Variants in MTMR10 observed in about 807,000 individuals in gnomAD.
The protein encoded by MTMR10 is myotubularin related protein 10, also known as myotubularin-related protein 10.
In MTMR10, 56 loss-of-function variants were observed where a neutral mutation model predicts 88.1. That is an observed-to-expected ratio of 0.64 (90% confidence interval 0.51 to 0.79). The LOEUF (loss-of-function observed/expected upper bound fraction) is 0.79. MTMR10 is among the 30% of genes least tolerant of loss of function. The pLI, the probability that MTMR10 is intolerant of heterozygous loss-of-function variation, is 0.00. For missense variants in MTMR10, 883 were observed against 924.7 expected (o/e 0.95, Z 0.58); for synonymous variants, 380 against 340.9 (o/e 1.11, Z -1.26).
At chr15:30,937,360 G>GT, downstream of MTMR10, 1 of 1,089,030 alleles carries the variant, frequency 9.2e-7, no homozygotes, top group Non-Finnish European at 1.3e-6. Flanking sequence ...AAACCTGATA[G>GT]TTTGACTTGT....
At chr15:30,980,358 T>C (rs1023780446) in intron 2 of MTMR10, among the ~76,000 whole-genome samples, 3 of 152,226 alleles carry the variant, frequency 2.0e-5, no homozygotes, top group Non-Finnish European at 4.4e-5. Context: ...ACTGCTGTAC[T>C]GCCCATACTC....
Position 30,940,870 on chromosome 15 carries a change from C to T in MTMR10, c.*600G>A. The T allele has an allele frequency of 9.9e-7, 1 of 1,008,342 alleles. No homozygotes were observed. 62.5% of individuals were successfully genotyped at this position (1,008,342 alleles called of 1,614,324 possible). On this transcript the variant is annotated 3_prime_UTR_variant, in exon 16 of 16. Transcript: ENST00000435680. Reference sequence around the variant, plus strand: ...AGCAAATGCTTTAAAATTAACAGTGCATATCATTTTAAAGTTGACCCTATG... The same window carrying T: ...AGCAAATGCTTTAAAATTAACAGTGTATATCATTTTAAAGTTGACCCTATG...
At chr15:30,962,286 T>C (rs1483484033) in intron 6 of MTMR10, among the ~76,000 whole-genome samples, 4 of 152,224 alleles carry the variant, frequency 2.6e-5, no homozygotes, top group African/African-American at 7.2e-5. Context: ...CAGATCTACC[T>C]TGGCAATATC....
the MTMR10 span, chr15:30,920,545 A>T: frequency 3.1e-6 from 5 of 1,599,772 alleles, no homozygotes; most frequent in Non-Finnish European, 4.3e-6. Context: ...TTCATTTTAG[A>T]TGCCACGAAG....
chr15:30,974,066 T>C (rs1259596969), intron 5 of MTMR10, among the ~76,000 whole-genome samples: 1 of 152,228 alleles, frequency 6.6e-6, no homozygotes, highest in Non-Finnish European at 1.5e-5. Flanking sequence ...AAAATGCTAA[T>C]TTCCACGTAA....
chr15:30,945,024 AGATGTTCTCTTTTTTAAAAGGT>A (rs2063150073), intron 14 of MTMR10, among the ~76,000 whole-genome samples: 1 of 151,368 alleles, frequency 6.6e-6, no homozygotes, highest in Admixed American at 6.6e-5. Context: ...AAAAAAAAAA[AGATGTTCTCTTTTTTAAAAGGT>A]AAAAATTAAA....
Position 30,975,017 on chromosome 15 carries a change from T to A in MTMR10, c.259-14A>T. ...GTAATGGAATTTCTGGAATAAAAAA[T>A]TATGTTCATATTAATTCTTTTCCCA... On this transcript the variant is annotated splice_polypyrimidine_tract_variant and intron_variant, in intron 3 of 15. Coordinates refer to ENST00000435680, the MANE Select transcript of MTMR10 (RefSeq NM_017762.3). The A allele has an allele frequency of 6.6e-7, 1 of 1,515,538 alleles. No individual in the cohort carries two copies. The highest frequency in any genetic ancestry group is 9.0e-7 in the Non-Finnish European group (1 of 1,114,094). The allele number at this position is 1,515,538 out of a possible 1,614,324, so 93.9% of individuals were successfully genotyped here.
intron 10 of MTMR10, among the ~76,000 whole-genome samples, chr15:30,954,144 GT>G (rs1330766924): frequency 2.0e-5 from 3 of 152,114 alleles, no homozygotes; most frequent in African/African-American, 7.2e-5. Context: ...CAGGACACTA[GT>G]TTTTTCAACA....
At chr15:30,959,710 G>A (rs1455502546) in intron 7 of MTMR10, among the ~76,000 whole-genome samples, 1 of 152,200 alleles carries the variant, frequency 6.6e-6, no homozygotes, top group Non-Finnish European at 1.5e-5. Context: ...AATTCCAGGG[G>A]AAGCAAAAGA....
Position 30,939,326 on chromosome 15 carries a change from G to A in MTMR10, c.*2144C>T, listed in dbSNP as rs1428481920. 2.2e-5 allele frequency: 22 copies of A among 985,340 alleles called. No homozygotes were observed. Among genetic ancestry groups the A allele is most frequent in the African/African-American group, 5.2e-5 (3 of 57,254 alleles). 61.0% of individuals were successfully genotyped at this position (985,340 alleles called of 1,614,324 possible). A position where few individuals can be genotyped will look rare whatever the true frequency, so the allele number is the denominator to read the frequency against. On this transcript the variant is annotated 3_prime_UTR_variant, in exon 16 of 16. Transcript: ENST00000435680. ...CATCTGTGCGGCATTCCCTCAGCAC[G>A]GGCTCTGCTGGCGGGCAGCAGGGGT...
At chr15:30,930,444 A>T in the MTMR10 span, 1 of 1,391,114 alleles carries the variant, frequency 7.2e-7, no homozygotes, top group Non-Finnish European at 9.6e-7. Context: ...GCACTGAATT[A>T]CATATACACT....
Position 30,953,597 on chromosome 15 carries a change from A to G in MTMR10, c.1101T>C (p.Ser367=). The change falls in exon 11 of 16, where the codon TCT becomes TCC. Residue 367 remains serine (S), a synonymous_variant. Coordinates refer to ENST00000435680, the MANE Select transcript of MTMR10 (RefSeq NM_017762.3). ...PFEETEEKWL[S]SLENTRWLEY... ...CTAACCATCGAGTATTTTCCAGTGA[A>G]GATAACCATTTCTCTTCAGTTTCTT... The G allele has an allele frequency of 6.5e-7, 1 of 1,546,762 alleles. No individual in the cohort carries two copies. Among genetic ancestry groups the G allele is most frequent in the African/African-American group, 1.4e-5 (1 of 73,066 alleles).
chr15:30,934,466 T>G (rs948239264), downstream of MTMR10, among the ~76,000 whole-genome samples: 1 of 152,232 alleles, frequency 6.6e-6, no homozygotes, highest in Non-Finnish European at 1.5e-5. Flanking sequence ...TTTCTCTTTG[T>G]CTCAGAACTC....
At position 30,940,545 on chromosome 15, in the gene MTMR10, G is replaced by GGCCAA. The variant is rs1371311811; in HGVS notation, c.*920_*924dup. 1 of 985,378 alleles carries GGCCAA rather than the reference G, an allele frequency of 1.0e-6. No homozygotes were observed. 61.0% of individuals were successfully genotyped at this position (985,378 alleles called of 1,614,324 possible). The stretch of plus-strand genomic sequence containing the variant: ...AGTTTACCACACTGGAAATACTGAT[G>GGCCAA]GCCAAGCCCAGCACGCCTCCCAGCA... On this transcript the variant is annotated 3_prime_UTR_variant, in exon 16 of 16. Coordinates refer to ENST00000435680, the MANE Select transcript of MTMR10 (RefSeq NM_017762.3).
In MTMR10 at chr15:30,943,526, G is replaced by GT. The variant is rs934849281; in HGVS notation, c.1549-455dup. On this transcript the variant is annotated intron_variant, in intron 14 of 15. Transcript: ENST00000435680. ...TGCCACCAATTTTATAACTTACTTCGTAAGTGGGGAGCTACACTTCACTGA... is the reference window on the plus strand; with the variant it reads ...TGCCACCAATTTTATAACTTACTTCGTTAAGTGGGGAGCTACACTTCACTGA... The GT allele has an allele frequency of 5.1e-6, 5 of 985,266 alleles. No individual in the cohort carries two copies. In the African/African-American group the frequency reaches 8.7e-5, roughly 17 times the overall value. 61.0% of individuals were successfully genotyped at this position (985,266 alleles called of 1,614,324 possible). A position where few individuals can be genotyped will look rare whatever the true frequency, so the allele number is the denominator to read the frequency against.
intron 10 of MTMR10, 26 bp downstream of exon 10, chr15:30,954,737 T>C (rs1211705861): frequency 3.8e-6 from 6 of 1,572,574 alleles, no homozygotes; most frequent in African/African-American, 2.7e-5. Flanking sequence ...GTGTTCATTA[T>C]ATATATGAAA....
chr15:30,989,989 C>T (rs1446703524), intron 2 of MTMR10, among the ~76,000 whole-genome samples: 1 of 152,252 alleles, frequency 6.6e-6, no homozygotes, highest in East Asian at 1.9e-4. Context: ...TTATACAATT[C>T]AAAATACCAT....
At chr15:30,985,049 C>T (rs1372021507) in intron 2 of MTMR10, among the ~76,000 whole-genome samples, 2 of 152,216 alleles carry the variant, frequency 1.3e-5, no homozygotes, top group Non-Finnish European at 2.9e-5. Flanking sequence ...ACACTCAATA[C>T]CTGCAGAACA....
At chr15:30,963,643 A>AG (rs1381674799) in intron 6 of MTMR10, among the ~76,000 whole-genome samples, 6 of 151,654 alleles carry the variant, frequency 4.0e-5, no homozygotes, top group Admixed American at 2.6e-4. Flanking sequence ...TCTCAAAAAT[A>AG]AATAGACAGA....
Sources: allele counts gnomAD v4.1 joint callset (sites outside exome capture counted in the v4.1 genomes callset), GRCh38; gene constraint gnomAD v4.1.1; transcripts MANE v1.5; gene names NCBI Gene and HGNC (gene_info 2026-07-23, HGNC 2026-07-21).